Variants in SAMD9 observed in about 807,000 individuals in gnomAD.
SAMD9 encodes the protein sterile alpha motif domain containing 9.
Under a neutral mutation model 1.5 loss-of-function variants are expected in SAMD9, and 3 were observed. The observed-to-expected ratio is 2.05, with a 90% CI of 0.93 to 5.29. SAMD9 has a LOEUF of 5.29. Ranked by LOEUF, SAMD9 falls within the 30% of genes most tolerant of loss-of-function variation. The pLI is 0.02. For missense variants in SAMD9, 1,597 were observed against 1,820.8 expected (o/e 0.88, Z 2.24); for synonymous variants, 635 against 631.9 (o/e 1.00, Z -0.07).
Position 93,105,886 on chromosome 7 carries a change from A to C in SAMD9, c.212T>G (p.Phe71Cys). 1 of 1,614,044 alleles carries C rather than the reference A, an allele frequency of 6.2e-7. No homozygotes were observed. Reference protein sequence around the residue: ...HGPAIQIEELFKELRKTAIED... With the variant: ...HGPAIQIEELCKELRKTAIED... ...AATGGCTGTTTTCCGCAATTCTTTG[A>C]ATAGTTCTTCTATTTGAATAGCTGG... The change falls in exon 3 of 3, where the codon TTC becomes TGC. Residue 71 changes from phenylalanine (F) to cysteine (C), a missense_variant. Coordinates refer to ENST00000379958, the MANE Select transcript of SAMD9 (RefSeq NM_017654.4).
At position 93,105,629 on chromosome 7, in the gene SAMD9, T is replaced by G; in HGVS notation, c.469A>C (p.Ile157Leu). ...IDYTKERQPS[I>L]DLTCVSYPFD... ...GGATATGATACACATGTCAGGTCTA[T>G]GGATGGTTGCCTTTCCTTTGTATAA... is the stretch of plus-strand genomic sequence containing the variant. The change falls in exon 3 of 3, where the codon ATA (isoleucine) becomes CTA (leucine). Residue 157 changes from isoleucine (I) to leucine (L), a missense_variant. Ile to Leu is a conservative substitution (Grantham distance 5). Around this residue, in one of 6 missense-constraint regions of SAMD9, gnomAD observed 498 missense variants for 457.4 expected, o/e 1.09. Transcript: ENST00000379958. The G allele has an allele frequency of 6.2e-7, 1 of 1,614,172 alleles. No homozygotes were observed. Among genetic ancestry groups the G allele is most frequent in the Non-Finnish European group, 8.5e-7 (1 of 1,180,016 alleles).
In SAMD9 at chr7:93,106,068, A is replaced by AT; in HGVS notation, c.29dup (p.Asn10LysfsTer4). 1 of 1,592,904 alleles carries AT rather than the reference A, an allele frequency of 6.3e-7. No individual in the cohort carries two copies. Among genetic ancestry groups the AT allele is most frequent in the South Asian group, 1.2e-5 (1 of 86,122 alleles). On this transcript the variant is annotated frameshift_variant, in exon 3 of 3. Transcript: ENST00000379958. LOFTEE classifies it low-confidence loss of function (END_TRUNC). ...CATCCTCTTTTGTCCAATCATCTGT[A>AT]TTTTCTGGAAGGTTAAGTTGCTTTG...
chr7:93,108,552 C>T (rs1458703276), intron 2 of SAMD9, among the ~76,000 whole-genome samples: 1 of 152,138 alleles, frequency 6.6e-6, no homozygotes, highest in African/African-American at 2.4e-5. Flanking sequence ...CTTTCCTAGC[C>T]AAGGGAAGCC....
chr7:93,103,440 C>G lies in SAMD9; in HGVS notation c.2658G>C (p.Met886Ile), dbSNP rs752861956. 2 of 1,613,128 alleles carry G rather than the reference C, an allele frequency of 1.2e-6. No homozygotes were observed. The highest frequency in any genetic ancestry group is 2.2e-5 in the South Asian group (2 of 91,008). Residue 886 changes from methionine (M) to isoleucine (I), a missense_variant, in exon 3 of 3, where the codon ATG becomes ATC. This residue lies in a region of SAMD9 where 682 missense variants were observed against 810.0 expected (regional missense o/e 0.84). Coordinates refer to ENST00000379958, the MANE Select transcript of SAMD9 (RefSeq NM_017654.4). ...HKNFEDFYSF[M>I]IMKTNFNKEY... Reference sequence around the variant, plus strand: ...CTTTATTAAAATTGGTTTTCATGATCATAAAGGAATAAAAATCCTCAAAGT... The same window carrying G: ...CTTTATTAAAATTGGTTTTCATGATGATAAAGGAATAAAAATCCTCAAAGT...
Position 93,105,333 on chromosome 7 carries a change from A to G in SAMD9, c.765T>C (p.Asp255=), listed in dbSNP as rs201988689. ...GKIVGIKVTN[D]TKEALINHFN... The stretch of plus-strand genomic sequence containing the variant: ...AATGGTTAATGAGGGCTTCCTTGGT[A>G]TCATTGGTGACTTTGATGCCAACAA... The change falls in exon 3 of 3, where the codon GAT becomes GAC. Residue 255 remains aspartate, a synonymous_variant. Coordinates refer to ENST00000379958, the MANE Select transcript of SAMD9 (RefSeq NM_017654.4). 72 of 1,613,996 alleles carry G rather than the reference A, an allele frequency of 4.5e-5. 1 individual carries two copies. In the East Asian group the frequency reaches 1.2e-3, roughly 28 times the overall value.
At position 93,101,578 on chromosome 7, in the gene SAMD9, T is replaced by C. The variant is rs755910665; in HGVS notation, c.4520A>G (p.Asp1507Gly). 1 of 1,613,774 alleles carries C rather than the reference T, an allele frequency of 6.2e-7. No individual in the cohort carries two copies. The highest frequency in any genetic ancestry group is 8.5e-7 in the Non-Finnish European group (1 of 1,179,810). Residue 1507 changes from aspartate (D) to glycine (G), a missense_variant, in exon 3 of 3, where the codon GAT becomes GGT. Physicochemically the swap from Asp to Gly is moderately conservative, Grantham distance 94. This residue lies in a region of SAMD9 where 682 missense variants were observed against 810.0 expected (regional missense o/e 0.84). Transcript: ENST00000379958. ...TCCACTCTGCCACAAGGAATTAATA[T>C]CTGGTGTCTTCTTAAAGCACTGGTC... ...KIDQCFKKTP[D>G]INSLWQSGDV...
Position 93,102,787 on chromosome 7 carries a change from T to TTC in SAMD9, c.3310_3311insGA (p.Asn1104ArgfsTer10). 6.2e-7 allele frequency: 1 copy of TTC among 1,613,892 alleles called. No homozygotes were observed. Among genetic ancestry groups the TTC allele is most frequent in the Non-Finnish European group, 8.5e-7 (1 of 1,179,782 alleles). On this transcript the variant is annotated frameshift_variant, in exon 3 of 3. Transcript: ENST00000379958. LOFTEE classifies it low-confidence loss of function (END_TRUNC). ...TATGATTTTTGCTTGTTTTGCCCAGTTTAGAGCATTGCCAAAGTCCTTCTT... is the reference window on the plus strand; with the variant it reads ...TATGATTTTTGCTTGTTTTGCCCAGTTCTTAGAGCATTGCCAAAGTCCTTCTT...
rs1259301181 is a variant in SAMD9, at chr7:93,101,840, G to A, written c.4258C>T (p.Gln1420Ter). Residue 1420 changes from glutamine (Q) to a stop codon, truncating the protein, a stop_gained, in exon 3 of 3, where the codon CAA (glutamine) becomes TAA (stop). Coordinates refer to ENST00000379958, the MANE Select transcript of SAMD9 (RefSeq NM_017654.4). LOFTEE classifies it low-confidence loss of function (END_TRUNC). ...KLKDQLREVLQPIGLTYQFSE... is the reference protein window; with the variant it reads ...KLKDQLREVL Reference sequence around the variant, plus strand: ...AACTGATAAGTCAGTCCTATTGGTTGCAAGACTTCTCGAAGCTGATCTTTT... The same window carrying A: ...AACTGATAAGTCAGTCCTATTGGTTACAAGACTTCTCGAAGCTGATCTTTT... The A allele has an allele frequency of 1.2e-6, 2 of 1,613,846 alleles. No homozygotes were observed. The highest frequency in any genetic ancestry group is 1.1e-5 in the South Asian group (1 of 91,070).
rs917867463 is a variant in SAMD9, at chr7:93,107,185, C to T, written c.-8-1080G>A. Reference sequence around the variant, plus strand: ...CCTCCCAAAGTGCTGGGATTACAGGCGTGAGTCACCATGCCTGGCCTTGTT... The same window carrying T: ...CCTCCCAAAGTGCTGGGATTACAGGTGTGAGTCACCATGCCTGGCCTTGTT... On this transcript the variant is annotated intron_variant, in intron 2 of 2. Coordinates refer to ENST00000379958, the MANE Select transcript of SAMD9 (RefSeq NM_017654.4). Among the ~76,000 whole-genome samples the T allele has an allele frequency of 3.9e-5, 6 of 151,984 alleles. No homozygotes were observed. In the East Asian group the frequency reaches 9.7e-4, roughly 25 times the overall value.
chr7:93,102,127 C>T lies in SAMD9; in HGVS notation c.3971G>A (p.Ser1324Asn), dbSNP rs776046152. The T allele has an allele frequency of 8.1e-6, 13 of 1,613,274 alleles. No homozygotes were observed. Among genetic ancestry groups the T allele is most frequent in the Non-Finnish European group, 5.9e-6 (7 of 1,179,750 alleles). ...QNNTGLGSKFSEPLQVERCRR... is the reference protein window; with the variant it reads ...QNNTGLGSKFNEPLQVERCRR... ...GCATCTCTCTACTTGAAGTGGCTCACTGAACTTTGATCCAAGACCTGTGTT... is the reference window on the plus strand; with the variant it reads ...GCATCTCTCTACTTGAAGTGGCTCATTGAACTTTGATCCAAGACCTGTGTT... Residue 1324 changes from serine to asparagine, a missense_variant, in exon 3 of 3, where the codon AGT becomes AAT. By Grantham distance (46) the Ser-to-Asn change is conservative. Coordinates refer to ENST00000379958, the MANE Select transcript of SAMD9 (RefSeq NM_017654.4).
In SAMD9 at chr7:93,103,731, C is replaced by T. The variant is rs149202937; in HGVS notation, c.2367G>A (p.Gln789=). ...CAAGGAGTAGTACAGGTACGTATTCCTGACGGTTCATTGCCCCATAGGTGA... is the reference window on the plus strand; with the variant it reads ...CAAGGAGTAGTACAGGTACGTATTCTTGACGGTTCATTGCCCCATAGGTGA... ...SLITYGAMNR[Q]EYVPVLLLVD... is the part of the protein sequence containing the mutation. Residue 789 remains glutamine (Q), a synonymous_variant, in exon 3 of 3, where the codon CAG becomes CAA. Transcript: ENST00000379958. The T allele has an allele frequency of 5.6e-5, 91 of 1,613,868 alleles. No homozygotes were observed. The African/African-American group carries it at 1.0e-3, about 18-fold the overall frequency.
rs35485666 is a variant in SAMD9, at chr7:93,101,424, T to TA, written c.4673dup (p.Leu1558PhefsTer5). ...TGCTTCTGCCACTTCTAAGTTGACC[T>TA]AAAAAAGCGGGAGTGATGGGTATTG... On this transcript the variant is annotated frameshift_variant, in exon 3 of 3. Transcript: ENST00000379958. LOFTEE classifies it high-confidence loss of function. The TA allele has an allele frequency of 1.2e-6, 2 of 1,613,780 alleles. No homozygotes were observed. The highest frequency in any genetic ancestry group is 8.5e-7 in the Non-Finnish European group (1 of 1,179,710).
intron 2 of SAMD9, among the ~76,000 whole-genome samples, chr7:93,112,027 C>A (rs1015145815): frequency 2.0e-5 from 3 of 152,180 alleles, no homozygotes; most frequent in Non-Finnish European, 2.9e-5. Context: ...AGACCAATAT[C>A]CCTGATGAAC....
At chr7:93,107,041 TA>T (rs1416249877) in intron 2 of SAMD9, among the ~76,000 whole-genome samples, 33 of 152,068 alleles carry the variant, frequency 2.2e-4, no homozygotes, top group African/African-American at 7.7e-4. Context: ...TTGGGTATTT[TA>T]ATTTTTTTTT....
At chr7:93,114,982 G>T (rs1368573800) in intron 1 of SAMD9, 87 bp from the exon 2 acceptor site, 1 of 152,178 alleles carries the variant, frequency 6.6e-6, no homozygotes, top group Non-Finnish European at 1.5e-5. Context: ...TAAAATTCCA[G>T]AGAGGAAAGA....
intron 2 of SAMD9, among the ~76,000 whole-genome samples, chr7:93,111,924 T>C (rs905162344): frequency 6.6e-6 from 1 of 151,934 alleles, no homozygotes; most frequent in African/African-American, 2.4e-5. Context: ...TTCCAATCAA[T>C]AGAAAAAAGA....
At position 93,104,615 on chromosome 7, in the gene SAMD9, T is replaced by A; in HGVS notation, c.1483A>T (p.Asn495Tyr). ...LYHQPSWIFCNGRLDLDSEKY... is the reference protein window; with the variant it reads ...LYHQPSWIFCYGRLDLDSEKY... Reference sequence around the variant, plus strand: ...TCACTGTCAAGGTCTAACCTGCCATTGCAGAAAATCCAGCTGGGTTGATGG... The same window carrying A: ...TCACTGTCAAGGTCTAACCTGCCATAGCAGAAAATCCAGCTGGGTTGATGG... Residue 495 changes from asparagine to tyrosine, a missense_variant, in exon 3 of 3, where the codon AAT (asparagine) becomes TAT (tyrosine). Asn to Tyr is a moderately radical substitution (Grantham distance 143). This residue lies in a region of SAMD9 where 358 missense variants were observed against 460.4 expected (regional missense o/e 0.78). Transcript: ENST00000379958. The A allele has an allele frequency of 1.2e-6, 2 of 1,614,076 alleles. No homozygotes were observed. The highest frequency in any genetic ancestry group is 1.7e-6 in the Non-Finnish European group (2 of 1,179,946).
intron 2 of SAMD9, among the ~76,000 whole-genome samples, chr7:93,110,508 C>T (rs112361963): frequency 0.049 from 7,411 of 152,216 alleles, 307 homozygotes; most frequent in African/African-American, 0.11. Context: ...AAGACACAGA[C>T]TGGCAAATTG....
Position 93,105,368 on chromosome 7 carries a change from G to A in SAMD9, c.730C>T (p.His244Tyr), listed in dbSNP as rs1453571482. ...ACTTTGATGCCAACAATTTTCCCAT[G>A]GGGTTTGTCTTTGACTCCAAAATGA... ...TIHFGVKDKP[H>Y]GKIVGIKVTN... Residue 244 changes from histidine (H) to tyrosine (Y), a missense_variant, in exon 3 of 3, where the codon CAT (histidine) becomes TAT (tyrosine). His to Tyr is a moderately conservative substitution (Grantham distance 83). Transcript: ENST00000379958. 6.2e-7 allele frequency: 1 copy of A among 1,613,944 alleles called. No homozygotes were observed. Among genetic ancestry groups the A allele is most frequent in the Admixed American group, 1.7e-5 (1 of 59,992 alleles).
Sources: gnomAD v4.1 joint callset for allele counts (sites outside exome capture counted in the v4.1 genomes callset) on GRCh38, gnomAD v4.1.1 for gene constraint, gnomAD v4.1.1 regional missense constraint, MANE v1.5 for transcripts, NCBI Gene and HGNC (gene_info 2026-07-23, HGNC 2026-07-21) for gene names.